The following CFAP299 variants were observed in gnomAD, a reference collection of about 807,000 sequenced individuals.
CFAP299 encodes the protein cilia and flagella associated protein 299, also known as cilia- and flagella-associated protein 299.
A neutral mutation model predicts 27.0 loss-of-function variants in CFAP299; 21 were observed. The ratio of observed to expected loss-of-function variants is 0.78; its 90% CI spans 0.55 to 1.12. The LOEUF (loss-of-function observed/expected upper bound fraction) is 1.12. Ranked by LOEUF, CFAP299 falls within the 50% of genes most tolerant of loss-of-function variation. CFAP299 has a pLI of 0.00. For missense variants in CFAP299, 310 were observed against 276.6 expected (o/e 1.12, Z -0.86); for synonymous variants, 104 against 98.1 (o/e 1.06, Z -0.36).
intron 3 of CFAP299, among the ~76,000 whole-genome samples, chr4:80,644,051 G>T (rs535090635): frequency 1.3e-5 from 2 of 152,156 alleles, no homozygotes; most frequent in South Asian, 4.2e-4. Flanking sequence ...TTTCCACCCT[G>T]GGGAATACTG....
chr4:80,582,927 T>C (rs956077885), intron 2 of CFAP299, among the ~76,000 whole-genome samples, 166 bp from the exon 3 acceptor site: 1 of 151,904 alleles, frequency 6.6e-6, no homozygotes, highest in Non-Finnish European at 1.5e-5. Flanking sequence ...AAAGACTCTA[T>C]TACTATATAC....
chr4:80,799,757 A>G (rs1201701514), intron 3 of CFAP299, among the ~76,000 whole-genome samples: 1 of 50,400 alleles, frequency 2.0e-5, no homozygotes, highest in South Asian at 7.7e-4. Flanking sequence ...AATATATAAT[A>G]TATAAATATA....
chr4:80,857,127 G>A (rs1286040064), intron 3 of CFAP299, among the ~76,000 whole-genome samples: 2 of 152,154 alleles, frequency 1.3e-5, no homozygotes, highest in African/African-American at 2.4e-5. Flanking sequence ...CACATCCCTT[G>A]TAAGGTGGAT....
chr4:80,910,701 G>T (rs1289892439), intron 4 of CFAP299, among the ~76,000 whole-genome samples: 1 of 151,974 alleles, frequency 6.6e-6, no homozygotes, highest in Admixed American at 6.6e-5. Context: ...AGAAAAAAAT[G>T]ACTATTTAGT....
chr4:80,650,512 A>T (rs925744197), intron 3 of CFAP299, among the ~76,000 whole-genome samples: 1 of 152,094 alleles, frequency 6.6e-6, no homozygotes, highest in Non-Finnish European at 1.5e-5. Flanking sequence ...GTCAGATTTT[A>T]TTTGACCATA....
chr4:80,581,455 T>TAG (rs1318104614), intron 2 of CFAP299, among the ~76,000 whole-genome samples: 7 of 22,294 alleles, frequency 3.1e-4, no homozygotes, highest in African/African-American at 5.8e-4. Context: ...TTAAGTGAGA[T>TAG]ATATATATAT....
chr4:80,383,223 A>G (rs556779261), intron 2 of CFAP299, among the ~76,000 whole-genome samples: 1 of 152,214 alleles, frequency 6.6e-6, no homozygotes, highest in South Asian at 2.1e-4. Flanking sequence ...CAACAACAAA[A>G]TAACTATTGG....
intron 3 of CFAP299, among the ~76,000 whole-genome samples, chr4:80,723,696 C>A (rs1190350497): frequency 1.3e-5 from 2 of 151,912 alleles, no homozygotes; most frequent in Admixed American, 6.6e-5. Context: ...ATTTAAGCTA[C>A]ACAATTTAAA....
intron 3 of CFAP299, among the ~76,000 whole-genome samples, chr4:80,859,974 G>A (rs1012487422): frequency 8.5e-5 from 13 of 152,160 alleles, no homozygotes; most frequent in African/African-American, 2.9e-4. Context: ...CTAGATTGGG[G>A]AAGTTCTCCT....
chr4:80,740,050 A>G (rs1724165529), intron 3 of CFAP299, among the ~76,000 whole-genome samples: 1 of 151,990 alleles, frequency 6.6e-6, no homozygotes, highest in African/African-American at 2.4e-5. Flanking sequence ...AGCATTCTGA[A>G]TTCCTTCTCT....
At chr4:80,843,283 A>G (rs1055601369) in intron 3 of CFAP299, among the ~76,000 whole-genome samples, 2 of 151,954 alleles carry the variant, frequency 1.3e-5, no homozygotes, top group South Asian at 2.1e-4. Context: ...TCCTGTGTCC[A>G]AGTGTTCTCA....
intron 2 of CFAP299, among the ~76,000 whole-genome samples, chr4:80,465,078 G>T (rs1482137404): frequency 6.6e-6 from 1 of 152,100 alleles, no homozygotes; most frequent in Admixed American, 6.5e-5. Flanking sequence ...TCTTGGGCAT[G>T]TGTAGAATAT....
At chr4:80,736,605 A>G (rs34392190) in intron 3 of CFAP299, among the ~76,000 whole-genome samples, 36,180 of 151,994 alleles carry the variant, frequency 0.24, 5,716 homozygotes, top group African/African-American at 0.44. Context: ...AATCAAAACC[A>G]CAATGAGATA....
chr4:80,636,571 ATACG>A (rs1217410155), intron 3 of CFAP299, among the ~76,000 whole-genome samples: 1 of 152,184 alleles, frequency 6.6e-6, no homozygotes, highest in Non-Finnish European at 1.5e-5. Context: ...CGATGCTCAG[ATACG>A]TTAAGACATG....
chr4:80,550,747 G>A (rs1191452962), intron 2 of CFAP299, among the ~76,000 whole-genome samples: 2 of 144,788 alleles, frequency 1.4e-5, no homozygotes, highest in South Asian at 4.5e-4. Context: ...AGTACTTAAA[G>A]GTATTAACTC....
At chr4:80,706,123 T>C (rs1007674391) in intron 3 of CFAP299, among the ~76,000 whole-genome samples, 1 of 151,866 alleles carries the variant, frequency 6.6e-6, no homozygotes, top group African/African-American at 2.4e-5. Flanking sequence ...TATGGAATGT[T>C]CTATATTCAG....
chr4:80,832,575 G>T (rs1021206809), intron 3 of CFAP299, among the ~76,000 whole-genome samples: 36 of 151,886 alleles, frequency 2.4e-4, no homozygotes, highest in Non-Finnish European at 4.3e-4. Context: ...TAAAAGTTCT[G>T]GTTTTTCCTT....
rs533849478 is a variant in CFAP299 at position 80,628,620 on chromosome 4, C to A, written c.333+45437C>A. Among the ~76,000 whole-genome samples the A allele has an allele frequency of 7.2e-4, 110 of 152,144 alleles. 1 individual carries two copies. The South Asian group carries it at 0.023, about 31-fold the overall frequency. On this transcript the variant is annotated intron_variant, in intron 3 of 5. Transcript: ENST00000358105. Reference sequence around the variant, plus strand: ...TAATTTCCAAAATACGTAAGAAATTCAAACAATTCAATAGCAAGAAGGCAA... The same window carrying A: ...TAATTTCCAAAATACGTAAGAAATTAAAACAATTCAATAGCAAGAAGGCAA...
intron 3 of CFAP299, among the ~76,000 whole-genome samples, chr4:80,713,373 A>C (rs1281638212): frequency 6.6e-6 from 1 of 152,204 alleles, no homozygotes; most frequent in Non-Finnish European, 1.5e-5. Flanking sequence ...AGAACTATCA[A>C]ACTTTACAGT....
Sources: allele counts gnomAD v4.1 joint callset (sites outside exome capture counted in the v4.1 genomes callset), GRCh38; gene constraint gnomAD v4.1.1; transcripts MANE v1.5; gene names NCBI Gene and HGNC (gene_info 2026-07-23, HGNC 2026-07-21).